The following SMYD3 variants were observed in gnomAD, a reference collection of about 807,000 sequenced individuals.
SMYD3 encodes SET and MYND domain containing 3, also known as histone-lysine N-methyltransferase SMYD3.
Under a neutral mutation model 57.7 loss-of-function variants are expected in SMYD3, and 36 were observed. The observed-to-expected ratio is 0.62, with a 90% CI of 0.48 to 0.82. The LOEUF (loss-of-function observed/expected upper bound fraction) is 0.82, where lower values mean the gene tolerates loss of function less well. SMYD3 is among the 40% of genes least tolerant of loss of function. The pLI is 0.00. For synonymous variants in SMYD3, 211 were observed against 195.0 expected (o/e 1.08, Z -0.68); for missense variants, 515 against 538.8 (o/e 0.96, Z 0.44).
intron 5 of SMYD3, among the ~76,000 whole-genome samples, chr1:246,038,372 C>A (rs761059517): frequency 6.6e-6 from 1 of 152,042 alleles, no homozygotes; most frequent in Non-Finnish European, 1.5e-5. Flanking sequence ...CTTAATGAGA[C>A]AACTACTCAT....
At chr1:246,092,923 G>GA (rs780514565) in intron 5 of SMYD3, among the ~76,000 whole-genome samples, 287 of 140,474 alleles carry the variant, frequency 2.0e-3, no homozygotes, top group Middle Eastern at 7.3e-3. Flanking sequence ...CCAAAAGCAG[G>GA]AAAAAAAAAA....
At chr1:245,875,497 G>A (rs1044827639) in intron 8 of SMYD3, among the ~76,000 whole-genome samples, 1 of 152,144 alleles carries the variant, frequency 6.6e-6, no homozygotes, top group African/African-American at 2.4e-5. Context: ...ATTAGAACCT[G>A]GCATGTGGGC....
chr1:245,818,231 G>A (rs2048963923), intron 10 of SMYD3, among the ~76,000 whole-genome samples: 1 of 152,104 alleles, frequency 6.6e-6, no homozygotes. Flanking sequence ...GAAGAGAGTG[G>A]GGAGCAATAT....
At chr1:246,245,120 CTTTTTTTT>C (rs74163421) in intron 5 of SMYD3, among the ~76,000 whole-genome samples, 25 of 122,964 alleles carry the variant, frequency 2.0e-4, no homozygotes, top group African/African-American at 7.7e-4. Flanking sequence ...CAGCTACTGC[CTTTTTTTT>C]TTTTTTTTTT....
At chr1:246,452,234 G>T (rs140589123) in intron 1 of SMYD3, among the ~76,000 whole-genome samples, 1 of 152,128 alleles carries the variant, frequency 6.6e-6, no homozygotes, top group Non-Finnish European at 1.5e-5. Context: ...GGCCAGGGGC[G>T]GTGGCTCACA....
chr1:246,064,899 G>C (rs147189272), intron 5 of SMYD3, among the ~76,000 whole-genome samples: 2 of 152,202 alleles, frequency 1.3e-5, no homozygotes, highest in African/African-American at 2.4e-5. Context: ...TCCTGTGACC[G>C]TGTAGGTCTG....
intron 5 of SMYD3, among the ~76,000 whole-genome samples, chr1:246,322,623 A>G (rs1011105951): frequency 6.6e-5 from 10 of 152,074 alleles, no homozygotes; most frequent in African/African-American, 2.2e-4. Context: ...CAACACCTTC[A>G]TTGCTGTCTG....
intron 1 of SMYD3, among the ~76,000 whole-genome samples, chr1:246,364,014 A>C (rs1410958767): frequency 1.3e-5 from 2 of 152,196 alleles, no homozygotes; most frequent in Non-Finnish European, 2.9e-5. Flanking sequence ...ATCTGAGAAA[A>C]AGAACCTGGA....
At chr1:246,196,332 C>G (rs1413216569) in intron 5 of SMYD3, among the ~76,000 whole-genome samples, 1 of 152,026 alleles carries the variant, frequency 6.6e-6, no homozygotes, top group African/African-American at 2.4e-5. Context: ...TAGTAAATGT[C>G]CAGCAAAAAG....
chr1:245,945,069 T>C (rs1006889711), intron 5 of SMYD3, among the ~76,000 whole-genome samples: 4 of 152,114 alleles, frequency 2.6e-5, no homozygotes, highest in African/African-American at 9.7e-5. Context: ...ATTCAGGACA[T>C]AGGCATAGGC....
intron 1 of SMYD3, among the ~76,000 whole-genome samples, chr1:246,431,914 C>T (rs765970834): frequency 2.0e-5 from 3 of 152,160 alleles, no homozygotes; most frequent in Non-Finnish European, 4.4e-5. Context: ...TGAAAAAACT[C>T]TAACTTTTAT....
intron 5 of SMYD3, among the ~76,000 whole-genome samples, chr1:246,320,462 CACA>C (rs2065227650): frequency 2.0e-5 from 3 of 152,240 alleles, no homozygotes; most frequent in African/African-American, 7.2e-5. Flanking sequence ...GTGGCAGTTG[CACA>C]ACATTATAAA....
rs147367693 is a variant in SMYD3 at position 245,978,748 on chromosome 1, T to C, written c.532-48811A>G. On this transcript the variant is annotated intron_variant, in intron 5 of 11. Coordinates refer to ENST00000490107, the MANE Select transcript of SMYD3 (RefSeq NM_001167740.2). ...TGTCTCTCGTCAGCAATGCTACCTGTGCTGGCCTTTCCGCCTTACTTCCCA... is the reference window on the plus strand; with the variant it reads ...TGTCTCTCGTCAGCAATGCTACCTGCGCTGGCCTTTCCGCCTTACTTCCCA... Among the ~76,000 whole-genome samples, 30 of 152,266 alleles carry C rather than the reference T, an allele frequency of 2.0e-4. No individual in the cohort carries two copies. In the East Asian group the frequency reaches 5.2e-3, roughly 27 times the overall value.
At chr1:246,231,656 A>AC (rs1268737085) in intron 5 of SMYD3, among the ~76,000 whole-genome samples, 2 of 152,224 alleles carry the variant, frequency 1.3e-5, no homozygotes, top group Non-Finnish European at 2.9e-5. Context: ...AGTATCTCTT[A>AC]CATTTCAAAA....
intron 5 of SMYD3, among the ~76,000 whole-genome samples, chr1:246,254,787 T>C (rs1194540139): frequency 6.6e-6 from 1 of 152,182 alleles, no homozygotes; most frequent in African/African-American, 2.4e-5. Flanking sequence ...TTCCACTTGT[T>C]TGTGTCATTT....
At chr1:246,427,001 C>A (rs969525436) in intron 1 of SMYD3, among the ~76,000 whole-genome samples, 2 of 152,070 alleles carry the variant, frequency 1.3e-5, no homozygotes, top group African/African-American at 4.8e-5. Context: ...TTAGAAACCA[C>A]TGAACTCCTT....
chr1:245,921,576 T>TATATATATATATATATATAA (rs2055959339), intron 7 of SMYD3, among the ~76,000 whole-genome samples: 1 of 147,534 alleles, frequency 6.8e-6, no homozygotes, highest in East Asian at 2.3e-4. Context: ...TATATACACA[T>TATATATATATATATATATAA]ACCATGGAAT....
At chr1:246,362,913 C>T (rs1172550053) in intron 1 of SMYD3, among the ~76,000 whole-genome samples, 2 of 151,780 alleles carry the variant, frequency 1.3e-5, no homozygotes, top group African/African-American at 4.8e-5. Context: ...GCGTCTCTGC[C>T]TGGCCGCCCA....
At chr1:246,366,681 C>T (rs563301816) in intron 1 of SMYD3, among the ~76,000 whole-genome samples, 58 of 151,932 alleles carry the variant, frequency 3.8e-4, no homozygotes, top group African/African-American at 1.3e-3. Flanking sequence ...CGGTAGCTCA[C>T]GCCTGTAATC....
Sources: gnomAD v4.1 joint callset for allele counts (sites outside exome capture counted in the v4.1 genomes callset) on GRCh38, gnomAD v4.1.1 for gene constraint, MANE v1.5 for transcripts, NCBI Gene and HGNC (gene_info 2026-07-23, HGNC 2026-07-21) for gene names.